Variants in CCDC180 observed in about 807,000 individuals in gnomAD.
CCDC180 encodes coiled-coil domain containing 180, also known as coiled-coil domain-containing protein 180.
In CCDC180, 154 loss-of-function variants were observed where a neutral mutation model predicts 209.2. That is an observed-to-expected ratio of 0.74 (90% CI 0.65 to 0.84). The LOEUF is 0.84. Among genes scored for constraint, CCDC180 ranks in the 40% least tolerant of loss-of-function variants. CCDC180 has a pLI of 0.00. For synonymous variants in CCDC180, 778 were observed against 749.1 expected (o/e 1.04, Z -0.63); for missense variants, 1,874 against 1,997.3 (o/e 0.94, Z 1.18).
Position 97,376,865 on chromosome 9 carries a change from C to T in CCDC180, c.4945C>T (p.Leu1649=), listed in dbSNP as rs765808946. 4.3e-6 allele frequency: 7 copies of T among 1,612,676 alleles called. No homozygotes were observed. In the Admixed American group the frequency reaches 1.0e-4, roughly 23 times the overall value. ...CTGGAAGGACAGCTGGAAGCAGTCC[C>T]TGCACACTATCCAAGGCCTGTATGT... is the stretch of plus-strand genomic sequence containing the variant. ...QRWKDSWKQS[L]HTIQGLYV Residue 1649 remains leucine, a synonymous_variant, in exon 37 of 37, where the codon CTG becomes TTG. Transcript: ENST00000529487.
At chr9:97,344,169 T>A (rs976845599) in intron 19 of CCDC180, among the ~76,000 whole-genome samples, 2 of 152,198 alleles carry the variant, frequency 1.3e-5, no homozygotes, top group Admixed American at 1.3e-4. Context: ...GTGTTTGAGT[T>A]TGGATCAAAT....
chr9:97,355,197 C>T (rs922360448), intron 24 of CCDC180, among the ~76,000 whole-genome samples, 189 bp downstream of exon 24: 5 of 152,064 alleles, frequency 3.3e-5, no homozygotes, highest in African/African-American at 1.2e-4. Context: ...CTTTGTCACT[C>T]AGGCTGGAGT....
chr9:97,329,999 C>T (rs1017054061), intron 16 of CCDC180, among the ~76,000 whole-genome samples, 155 bp from the exon 17 acceptor site: 9 of 141,008 alleles, frequency 6.4e-5, no homozygotes, highest in Admixed American at 2.3e-4. Flanking sequence ...ACCTGGGAGG[C>T]GGAGCTTGCA....
At chr9:97,343,647 G>A in intron 19 of CCDC180, 84 bp downstream of exon 19, 1 of 1,020,796 alleles carries the variant, frequency 9.8e-7, no homozygotes, top group South Asian at 1.6e-5. Context: ...AAAAGGATTG[G>A]GCTGGTATCA....
intron 22 of CCDC180, 98 bp from the exon 23 acceptor site, chr9:97,354,471 A>G (rs1348188666): frequency 8.2e-7 from 1 of 1,214,766 alleles, no homozygotes; most frequent in African/African-American, 1.5e-5. Flanking sequence ...CTCTAACCGG[A>G]AGCCTAGATT....
At position 97,343,447 on chromosome 9, in the gene CCDC180, G is replaced by A. The variant is rs1447893671; in HGVS notation, c.2382G>A (p.Glu794=). ...TTGTCTTTGTACCCCTGGAAGAAGA[G>A]CATTGTAGGAAGTCCCATTCCACCT... is the stretch of plus-strand genomic sequence containing the variant. ...TYFVFVPLEE[E]HCRKSHSTFS... is the part of the protein sequence containing the mutation. The change falls in exon 19 of 37, where the codon GAG becomes GAA. Residue 794 remains glutamate (E), a synonymous_variant. Coordinates refer to ENST00000529487, the MANE Select transcript of CCDC180 (RefSeq NM_020893.6). 7 of 1,613,786 alleles carry A rather than the reference G, an allele frequency of 4.3e-6. No homozygotes were observed. In the African/African-American group the frequency reaches 8.0e-5, roughly 18 times the overall value.
Position 97,314,340 on chromosome 9 carries a change from C to T in CCDC180, c.460-53C>T, listed in dbSNP as rs1252521263. ...CTTCCCCCATGACAGGGAAGGCTCC[C>T]TCCTTCCCAGGGGTGCTGATGCCTT... On this transcript the variant is annotated intron_variant, in intron 5 of 36. Coordinates refer to ENST00000529487, the MANE Select transcript of CCDC180 (RefSeq NM_020893.6). 5 of 1,600,088 alleles carry T rather than the reference C, an allele frequency of 3.1e-6. No individual in the cohort carries two copies. In the African/African-American group the frequency reaches 4.0e-5, roughly 13 times the overall value.
chr9:97,343,425 T>C lies in CCDC180; in HGVS notation c.2360T>C (p.Val787Ala). The stretch of plus-strand genomic sequence containing the variant: ...ATCTCCAGTGGAAACACTTATTTTG[T>C]CTTTGTACCCCTGGAAGAAGAGCAT... ...FTISSGNTYF[V>A]FVPLEEEHCR... is the part of the protein sequence containing the mutation. Residue 787 changes from valine to alanine, a missense_variant, in exon 19 of 37, where the codon GTC (valine) becomes GCC (alanine). Physicochemically the swap from Val to Ala is moderately conservative, Grantham distance 64 (BLOSUM62 0). Transcript: ENST00000529487. 1 of 1,613,986 alleles carries C rather than the reference T, an allele frequency of 6.2e-7. No homozygotes were observed. The highest frequency in any genetic ancestry group is 8.5e-7 in the Non-Finnish European group (1 of 1,179,866).
At chr9:97,363,250 G>A (rs1382346744) in intron 28 of CCDC180, among the ~76,000 whole-genome samples, 1 of 152,222 alleles carries the variant, frequency 6.6e-6, no homozygotes, top group African/African-American at 2.4e-5. Flanking sequence ...AATTAGGGAA[G>A]CTGTCATTTA....
intron 18 of CCDC180, among the ~76,000 whole-genome samples, chr9:97,335,440 A>G (rs992218425): frequency 3.3e-5 from 5 of 151,970 alleles, no homozygotes; most frequent in East Asian, 3.9e-4. Flanking sequence ...TTGGTTTTCT[A>G]TCCTTGCGAT....
rs1587822805 is a variant in CCDC180 at position 97,353,511 on chromosome 9, A to G, written c.3003-1058A>G. ...TATCTTGTATCTTGATTCCTTATCA[A>G]TTTTTAAAACTACGAGTCACTCATT... is the stretch of plus-strand genomic sequence containing the variant. On this transcript the variant is annotated intron_variant, in intron 22 of 36. Transcript: ENST00000529487. 1.3e-5 allele frequency among the ~76,000 whole-genome samples: 2 copies of G among 152,074 alleles called. 1 individual carries two copies. Among genetic ancestry groups the G allele is most frequent in the South Asian group, 4.2e-4 (2 of 4,818 alleles).
intron 18 of CCDC180, among the ~76,000 whole-genome samples, chr9:97,335,986 G>A (rs1307788396): frequency 3.9e-5 from 6 of 152,210 alleles, no homozygotes; most frequent in Non-Finnish European, 7.3e-5. Context: ...CTTTTGAAAA[G>A]TGTCTGTTCA....
chr9:97,359,913 TC>T, intron 25 of CCDC180, 68 bp from the exon 26 acceptor site: 1 of 1,590,058 alleles, frequency 6.3e-7, no homozygotes. Context: ...TTCCCGCACT[TC>T]CCACAGAATC....
chr9:97,333,676 G>T (rs181291012), intron 18 of CCDC180, among the ~76,000 whole-genome samples: 2 of 151,928 alleles, frequency 1.3e-5, no homozygotes, highest in East Asian at 1.9e-4. Flanking sequence ...TGTGTGCAAA[G>T]AGGTGTTCAT....
At chr9:97,319,480 T>C (rs897950646) in intron 10 of CCDC180, among the ~76,000 whole-genome samples, 2 of 152,138 alleles carry the variant, frequency 1.3e-5, no homozygotes, top group African/African-American at 4.8e-5. Context: ...ATCCTCTCCC[T>C]CCTTCCACCC....
chr9:97,358,890 G>C (rs1365390163), intron 25 of CCDC180, among the ~76,000 whole-genome samples: 2 of 152,204 alleles, frequency 1.3e-5, no homozygotes, highest in South Asian at 4.1e-4. Context: ...TTAGCACTGA[G>C]AGGATGTTTA....
rs147516972 is a variant in CCDC180, at chr9:97,330,717, A to G, written c.2224A>G (p.Lys742Glu). 64 of 1,604,632 alleles carry G rather than the reference A, an allele frequency of 4.0e-5. No individual in the cohort carries two copies. The African/African-American group carries it at 8.0e-4, about 20-fold the overall frequency. Residue 742 changes from lysine to glutamate, a missense_variant, in exon 18 of 37, where the codon AAG (lysine) becomes GAG (glutamate). Transcript: ENST00000529487. ...GGAGGAGGAGAAGCTGGAGGAAGAG[A>G]AGGAGGAGAAGGAGGCACAGGAAGA... ...EEEEEKLEEEKEEKEAQEEQE... is the reference protein window; with the variant it reads ...EEEEEKLEEEEEEKEAQEEQE...
At chr9:97,364,780 G>A (rs1826872871) in intron 29 of CCDC180, 1 of 152,240 alleles carries the variant, frequency 6.6e-6, no homozygotes, top group South Asian at 2.1e-4. Context: ...GAATACTTCG[G>A]CTCTCTATTT....
chr9:97,343,203 A>G (rs1826138474), intron 18 of CCDC180, 137 bp from the exon 19 acceptor site: 7 of 576,456 alleles, frequency 1.2e-5, no homozygotes, highest in East Asian at 5.7e-5. Context: ...TGGGGGGCGA[A>G]AAAACCTAGG....
Sources: allele counts gnomAD v4.1 joint callset (sites outside exome capture counted in the v4.1 genomes callset), GRCh38; gene constraint gnomAD v4.1.1; transcripts MANE v1.5; gene names NCBI Gene and HGNC (gene_info 2026-07-23, HGNC 2026-07-21).